NUP210L: variants seen among roughly 807,000 people sequenced by gnomAD.
The protein encoded by NUP210L is nucleoporin 210 like.
A neutral mutation model predicts 208.5 loss-of-function variants in NUP210L; 74 were observed. The observed-to-expected ratio is 0.35, with a 90% CI of 0.29 to 0.43. The LOEUF (loss-of-function observed/expected upper bound fraction) is 0.43, where lower values mean the gene tolerates loss of function less well. NUP210L is among the 20% of genes least tolerant of loss of function. The probability of loss-of-function intolerance (pLI) is 1.00; values close to 1 mark genes in which losing one functional copy is unlikely to be tolerated. For missense variants in NUP210L, 1,843 were observed against 2,289.4 expected (o/e 0.81, Z 3.98); for synonymous variants, 780 against 816.9 (o/e 0.95, Z 0.77).
intron 35 of NUP210L, among the ~76,000 whole-genome samples, chr1:154,006,680 A>C (rs1191160686): frequency 6.6e-6 from 1 of 150,410 alleles, no homozygotes; most frequent in Non-Finnish European, 1.5e-5. Context: ...TTTTTAGTAG[A>C]GATGGGGTTT....
rs529130007 is a variant in NUP210L, at chr1:154,123,167, C to T, written c.1326+3156G>A. On this transcript the variant is annotated intron_variant, in intron 10 of 39. Transcript: ENST00000368559. ...AGTTGTATTTCTTTTCTTTTTGAGACGGAGTTTCGCTCTTGTTGCCCAGGC... is the reference window on the plus strand; with the variant it reads ...AGTTGTATTTCTTTTCTTTTTGAGATGGAGTTTCGCTCTTGTTGCCCAGGC... 1.5e-4 allele frequency among the ~76,000 whole-genome samples: 23 copies of T among 152,104 alleles called. No individual in the cohort carries two copies. The East Asian group carries it at 3.3e-3, about 22-fold the overall frequency.
chr1:154,129,544 T>C (rs1658143355), intron 7 of NUP210L, among the ~76,000 whole-genome samples, 199 bp from the exon 8 acceptor site: 1 of 152,194 alleles, frequency 6.6e-6, no homozygotes, highest in African/African-American at 2.4e-5. Flanking sequence ...ATCTTATGAG[T>C]CAGATATTCT....
chr1:154,057,176 A>G (rs1191996672), intron 22 of NUP210L, among the ~76,000 whole-genome samples: 1 of 151,996 alleles, frequency 6.6e-6, no homozygotes, highest in East Asian at 1.9e-4. Flanking sequence ...CCGGGGTCTC[A>G]CTGTGTTGCC....
intron 16 of NUP210L, among the ~76,000 whole-genome samples, chr1:154,085,885 G>T (rs1655597788): frequency 6.6e-6 from 1 of 152,120 alleles, no homozygotes; most frequent in African/African-American, 2.4e-5. Context: ...TTAAACAAAT[G>T]GTGCTGTGTC....
At chr1:154,146,215 CAAAGCTGGAA>C (rs1214020207) in intron 2 of NUP210L, among the ~76,000 whole-genome samples, 2 of 151,916 alleles carry the variant, frequency 1.3e-5, no homozygotes, top group African/African-American at 2.4e-5. Context: ...CCCCAGTGGC[CAAAGCTGGAA>C]AAACCTGAAT....
rs952037431 is a variant in NUP210L at position 154,042,720 on chromosome 1, G to A, written c.3696+3349C>T. On this transcript the variant is annotated intron_variant, in intron 27 of 39. Coordinates refer to ENST00000368559, the Ensembl canonical transcript of NUP210L. ...TGGGATTACAGGCGTGAGCCACCGC[G>A]CCTGGCCTTTTTTTTCTTGAGACAA... 2.8e-5 allele frequency among the ~76,000 whole-genome samples: 4 copies of A among 142,160 alleles called. No homozygotes were observed. In the East Asian group the frequency reaches 8.7e-4, roughly 31 times the overall value. 93.3% of individuals were successfully genotyped at this position (142,160 alleles called of 152,430 possible). A position where few individuals can be genotyped will look rare whatever the true frequency, so the allele number is the denominator to read the frequency against.
At chr1:154,054,287 C>G in exon 25 of NUP210L, 1 of 1,614,200 alleles carries the variant, frequency 6.2e-7, no homozygotes, top group Non-Finnish European at 8.5e-7. Context: ...GTGCCATGAA[C>G]CACAGCTGTG....
At chr1:153,995,285 T>A in intron 37 of NUP210L, 105 bp from the exon 38 acceptor site, 1 of 776,290 alleles carries the variant, frequency 1.3e-6, no homozygotes, top group Non-Finnish European at 2.1e-6. Context: ...TTACTCTCAC[T>A]CTGTCCCCCA....
At chr1:154,095,275 G>GTTT in intron 14 of NUP210L, 119 bp from the exon 15 acceptor site, 2 of 745,664 alleles carry the variant, frequency 2.7e-6, no homozygotes, top group Non-Finnish European at 4.4e-6. Flanking sequence ...CCCAAATTAA[G>GTTT]AGATATGTAT....
intron 37 of NUP210L, among the ~76,000 whole-genome samples, chr1:153,997,841 C>A (rs1397015730): frequency 6.6e-6 from 1 of 151,570 alleles, no homozygotes; most frequent in Non-Finnish European, 1.5e-5. Context: ...AGGTGCATGA[C>A]ACTACACCTG....
chr1:154,058,470 A>G, intron 21 of NUP210L, 95 bp downstream of exon 21: 1 of 1,386,970 alleles, frequency 7.2e-7, no homozygotes. Context: ...GTCCTGGTAT[A>G]CACACACAGT....
At chr1:154,103,060 G>A (rs542326640) in intron 13 of NUP210L, among the ~76,000 whole-genome samples, 5 of 148,094 alleles carry the variant, frequency 3.4e-5, no homozygotes, top group South Asian at 2.2e-4. Context: ...TGGGTGACAC[G>A]GTGGTGAGAC....
chr1:154,011,156 T>A (rs1650891734), intron 34 of NUP210L, among the ~76,000 whole-genome samples: 1 of 151,238 alleles, frequency 6.6e-6, no homozygotes, highest in African/African-American at 2.4e-5. Context: ...CTCAATAAAA[T>A]AAGTAGTGAT....
chr1:154,069,450 C>G (rs1227066601), intron 17 of NUP210L, among the ~76,000 whole-genome samples: 1 of 152,174 alleles, frequency 6.6e-6, no homozygotes, highest in Non-Finnish European at 1.5e-5. Flanking sequence ...TGAAAAAATG[C>G]TCATCATCAC....
intron 16 of NUP210L, among the ~76,000 whole-genome samples, chr1:154,080,991 AAAG>A (rs1655292624): frequency 1.3e-5 from 2 of 150,944 alleles, no homozygotes; most frequent in African/African-American, 2.4e-5. Context: ...AAAAAAAAGA[AAAG>A]AAAAAAAAAG....
At chr1:154,037,178 T>C (rs1344125383) in intron 27 of NUP210L, among the ~76,000 whole-genome samples, 5 of 152,190 alleles carry the variant, frequency 3.3e-5, no homozygotes, top group African/African-American at 1.2e-4. Flanking sequence ...GAATAGAAGT[T>C]CTGTAAATAT....
intron 12 of NUP210L, 55 bp downstream of exon 12, chr1:154,117,670 T>C: frequency 7.3e-7 from 1 of 1,376,886 alleles, no homozygotes. Flanking sequence ...GTTAATTACT[T>C]AAATTTAGAC....
chr1:154,104,397 C>G, intron 12 of NUP210L, 187 bp from the exon 13 acceptor site: 1 of 585,512 alleles, frequency 1.7e-6, no homozygotes. Flanking sequence ...ATCACAGTAC[C>G]TGGTTTTAAC....
intron 29 of NUP210L, among the ~76,000 whole-genome samples, chr1:154,027,080 C>CAA (rs59626984): frequency 1.7e-3 from 175 of 101,700 alleles, no homozygotes; most frequent in South Asian, 3.9e-3. Context: ...GAGACTGTCT[C>CAA]AAAAAAAAAA....
Sources: gnomAD v4.1 joint callset for allele counts (sites outside exome capture counted in the v4.1 genomes callset) on GRCh38, gnomAD v4.1.1 for gene constraint, MANE v1.5 for transcripts, NCBI Gene and HGNC (gene_info 2026-07-23, HGNC 2026-07-21) for gene names.